CATSPERD: variants seen among roughly 807,000 people sequenced by gnomAD.
CATSPERD encodes cation channel sperm-associated auxiliary subunit delta.
A neutral mutation model predicts 98.1 loss-of-function variants in CATSPERD; 86 were observed. That is an observed-to-expected ratio of 0.88 (90% confidence interval 0.74 to 1.05). The LOEUF (loss-of-function observed/expected upper bound fraction) is 1.05, where lower values mean the gene tolerates loss of function less well. Ranked by LOEUF, CATSPERD falls within the 50% of genes least tolerant of loss-of-function variation. The pLI is 0.00. For missense variants in CATSPERD, 995 were observed against 1,005.7 expected (o/e 0.99, Z 0.14); for synonymous variants, 394 against 390.2 (o/e 1.01, Z -0.12).
At chr19:5,730,163 A>G (rs1171275192) in intron 4 of CATSPERD, among the ~76,000 whole-genome samples, 2 of 152,166 alleles carry the variant, frequency 1.3e-5, no homozygotes, top group Non-Finnish European at 2.9e-5. Context: ...GAAAAAGAAA[A>G]AAAGAGTGGA....
rs759627655 is a variant in CATSPERD, at chr19:5,763,178, G to A, written c.1428-37G>A. ...ATGCAGCTGTGTCGTTTACAGGGGT[G>A]CTATTCTCTAATAACACAGGTTCCG... On this transcript the variant is annotated intron_variant, in intron 15 of 21. Transcript: ENST00000381624. 3 of 1,530,384 alleles carry A rather than the reference G, an allele frequency of 2.0e-6. No individual in the cohort carries two copies. In the Admixed American group the frequency reaches 5.0e-5, roughly 26 times the overall value. 94.8% of individuals were successfully genotyped at this position (1,530,384 alleles called of 1,614,324 possible).
chr19:5,728,075 G>T (rs1036966761), intron 3 of CATSPERD, among the ~76,000 whole-genome samples: 2 of 151,478 alleles, frequency 1.3e-5, no homozygotes, highest in Admixed American at 6.6e-5. Context: ...TTAGCTGGGG[G>T]TGGGCCAGGC....
chr19:5,741,460 C>T (rs2055962000), intron 7 of CATSPERD, among the ~76,000 whole-genome samples: 1 of 152,078 alleles, frequency 6.6e-6, no homozygotes, highest in East Asian at 1.9e-4. Context: ...GGGGGGTCCT[C>T]TGGAGGGGCA....
rs1387147491 is a variant in CATSPERD at position 5,739,442 on chromosome 19, A to G, written c.573+3A>G. 1 of 1,436,246 alleles carries G rather than the reference A, an allele frequency of 7.0e-7. No homozygotes were observed. Among genetic ancestry groups the G allele is most frequent in the Non-Finnish European group, 9.6e-7 (1 of 1,038,462 alleles). 89.0% of individuals were successfully genotyped at this position (1,436,246 alleles called of 1,614,324 possible). A position where few individuals can be genotyped will look rare whatever the true frequency, so the allele number is the denominator to read the frequency against. ...GGAAGTATCACTATGACAGACAGGTATGTTAAATTTGGTAAGAATGTGAAA... is the reference window on the plus strand; with the variant it reads ...GGAAGTATCACTATGACAGACAGGTGTGTTAAATTTGGTAAGAATGTGAAA... On this transcript the variant is annotated splice_donor_region_variant and intron_variant, in intron 7 of 21. Coordinates refer to ENST00000381624, the MANE Select transcript of CATSPERD (RefSeq NM_152784.4).
chr19:5,742,682 C>A (rs191421346), intron 7 of CATSPERD, among the ~76,000 whole-genome samples: 166 of 152,166 alleles, frequency 1.1e-3, no homozygotes, highest in African/African-American at 3.9e-3. Flanking sequence ...GTGGTCCCAG[C>A]TACTCAGGGG....
At chr19:5,778,115 G>A (rs150370765) in intron 21 of CATSPERD, among the ~76,000 whole-genome samples, 2,044 of 150,472 alleles carry the variant, frequency 0.014, 61 homozygotes, top group African/African-American at 0.047. Flanking sequence ...GCTGAGGCAG[G>A]AGAATTGCTT....
intron 4 of CATSPERD, among the ~76,000 whole-genome samples, chr19:5,730,613 A>G (rs1244338260): frequency 6.6e-6 from 1 of 151,960 alleles, no homozygotes; most frequent in Non-Finnish European, 1.5e-5. Context: ...CTTTACATGC[A>G]GTAATTTCAA....
At chr19:5,774,400 G>A (rs900073174) in intron 20 of CATSPERD, among the ~76,000 whole-genome samples, 3 of 151,970 alleles carry the variant, frequency 2.0e-5, no homozygotes, top group African/African-American at 7.2e-5. Flanking sequence ...TGTAGAACAT[G>A]AAGTTTTCCT....
In CATSPERD at chr19:5,724,701, C is replaced by G. The variant is rs369278119; in HGVS notation, c.72-107C>G. The G allele has an allele frequency of 5.3e-4, 617 of 1,167,612 alleles. 13 individuals carry two copies. The South Asian group carries it at 6.7e-3, about 13-fold the overall frequency. The allele number at this position is 1,167,612 out of a possible 1,614,324, so 72.3% of individuals were successfully genotyped here. ...GCGACAGAGTGAGACTCCGTCCCCC[C>G]CAAAAAAGAACAGATACTTTAGGGT... On this transcript the variant is annotated intron_variant, in intron 1 of 21. Transcript: ENST00000381624.
At chr19:5,733,367 CCTTCCTTCCCTCCCTCTCTG>C (rs2055772205) in intron 4 of CATSPERD, among the ~76,000 whole-genome samples, 1 of 144,672 alleles carries the variant, frequency 6.9e-6, no homozygotes, top group Non-Finnish European at 1.5e-5. Context: ...TTCCCTCCTT[CCTTCCTTCCCTCCCTCTCTG>C]CCTCCTTCCT....
At position 5,757,800 on chromosome 19, in the gene CATSPERD, C is replaced by T. The variant is rs1467218230; in HGVS notation, c.1279-43C>T. 15 of 1,525,934 alleles carry T rather than the reference C, an allele frequency of 9.8e-6. No homozygotes were observed. The South Asian group carries it at 1.4e-4, about 14-fold the overall frequency. The allele number at this position is 1,525,934 out of a possible 1,614,324, so 94.5% of individuals were successfully genotyped here. ...GTGGGGGTTTGTCACCCCGTCCTGCCTGCTGGCTCCGTACAGCCTGAGCTT... is the reference window on the plus strand; with the variant it reads ...GTGGGGGTTTGTCACCCCGTCCTGCTTGCTGGCTCCGTACAGCCTGAGCTT... On this transcript the variant is annotated intron_variant, in intron 13 of 21. Coordinates refer to ENST00000381624, the MANE Select transcript of CATSPERD (RefSeq NM_152784.4).
intron 18 of CATSPERD, among the ~76,000 whole-genome samples, chr19:5,769,356 C>T (rs909264589): frequency 6.8e-6 from 1 of 147,348 alleles, no homozygotes; most frequent in Non-Finnish European, 1.5e-5. Context: ...GGCTCTTAAA[C>T]AAGCAGTTCT....
At chr19:5,723,872 G>A (rs1177268452) in intron 1 of CATSPERD, among the ~76,000 whole-genome samples, 2 of 151,780 alleles carry the variant, frequency 1.3e-5, no homozygotes, top group Non-Finnish European at 2.9e-5. Flanking sequence ...CGCCTCCCGG[G>A]TTCAAGCGAT....
chr19:5,741,742 C>T (rs1032838217), intron 7 of CATSPERD, among the ~76,000 whole-genome samples: 1 of 126,164 alleles, frequency 7.9e-6, no homozygotes, highest in African/African-American at 3.0e-5. Flanking sequence ...TGTCCAGGCG[C>T]GGTGCCTCAG....
At chr19:5,735,978 C>G (rs1362247274) in intron 5 of CATSPERD, among the ~76,000 whole-genome samples, 1 of 151,534 alleles carries the variant, frequency 6.6e-6, no homozygotes, top group East Asian at 1.9e-4. Context: ...GATGGGGTTT[C>G]ACGGTGTTAG....
intron 20 of CATSPERD, among the ~76,000 whole-genome samples, chr19:5,774,814 A>C (rs542549668): frequency 1.3e-5 from 2 of 152,208 alleles, no homozygotes; most frequent in South Asian, 2.1e-4. Context: ...GTCAGGAGTT[A>C]GAGACCAGCC....
intron 11 of CATSPERD, among the ~76,000 whole-genome samples, chr19:5,750,276 G>A (rs149153099): frequency 0.014 from 2,011 of 148,434 alleles, 45 homozygotes; most frequent in African/African-American, 0.046. Context: ...GTGAAACCCC[G>A]TCTCTACTAA....
At chr19:5,759,392 T>G (rs2056391247) in intron 15 of CATSPERD, among the ~76,000 whole-genome samples, 1 of 150,188 alleles carries the variant, frequency 6.7e-6, no homozygotes, top group South Asian at 2.1e-4. Context: ...TGAAACCCCG[T>G]CTCTACTAAA....
In CATSPERD at chr19:5,741,796, G is replaced by C. The variant is rs964706013; in HGVS notation, c.573+2357G>C. On this transcript the variant is annotated intron_variant, in intron 7 of 21. Transcript: ENST00000381624. ...TGGGATGCTGAAGGCGGGGGGGGGG[G>C]GGTGGTGTGGATCACTTGAGGTCAG... Among the ~76,000 whole-genome samples, 730 of 92,692 alleles carry C rather than the reference G, an allele frequency of 7.9e-3. 250 individuals carry two copies. Among genetic ancestry groups the C allele is most frequent in the Non-Finnish European group, 0.015 (589 of 38,350 alleles). 60.8% of individuals were successfully genotyped at this position (92,692 alleles called of 152,430 possible).
Sources: allele counts gnomAD v4.1 joint callset (sites outside exome capture counted in the v4.1 genomes callset), GRCh38; gene constraint gnomAD v4.1.1; transcripts MANE v1.5; gene names NCBI Gene and HGNC (gene_info 2026-07-23, HGNC 2026-07-21).